MYO16: variants seen among roughly 807,000 people sequenced by gnomAD.
MYO16 encodes unconventional myosin-XVI.
In MYO16, 94 loss-of-function variants were observed where a neutral mutation model predicts 205.3. The observed-to-expected ratio is 0.46, with a 90% CI of 0.39 to 0.54. The LOEUF (loss-of-function observed/expected upper bound fraction) is 0.54. MYO16 is among the 20% of genes least tolerant of loss of function. The probability of loss-of-function intolerance (pLI) is 0.00; values close to 1 mark genes in which losing one functional copy is unlikely to be tolerated. For synonymous variants in MYO16, 988 were observed against 954.0 expected (o/e 1.04, Z -0.66); for missense variants, 2,315 against 2,387.5 (o/e 0.97, Z 0.63).
chr13:108,908,740 G>A (rs923179744), intron 15 of MYO16, among the ~76,000 whole-genome samples: 11 of 152,094 alleles, frequency 7.2e-5, no homozygotes, highest in East Asian at 1.9e-4. Context: ...TTGGGAGGCC[G>A]AGGTGGGCAG....
intron 23 of MYO16, among the ~76,000 whole-genome samples, chr13:109,023,747 G>A (rs1339418289): frequency 6.2e-5 from 4 of 64,352 alleles, no homozygotes; most frequent in African/African-American, 1.0e-4. Flanking sequence ...ACATATATAC[G>A]TATATGTATA....
Position 109,127,366 on chromosome 13 carries a change from C to T in MYO16, c.3867C>T (p.Leu1289=), listed in dbSNP as rs372764867. ...CCGTGGATGGCCTGGGCCAGTGCCT[C>T]GTTGGCCCGTCCATCTGGTCTCCTT... ...CAAVDGLGQC[L]VGPSIWSPSL... Residue 1289 remains leucine, a synonymous_variant, in exon 31 of 35, where the codon CTC becomes CTT. Transcript: ENST00000457511. This position sits in a 1 kb window ranked among gnomAD's most constrained non-coding sequence, Gnocchi z 4.2. 5.0e-6 allele frequency: 8 copies of T among 1,613,560 alleles called. No homozygotes were observed. Among genetic ancestry groups the T allele is most frequent in the East Asian group, 2.2e-5 (1 of 44,844 alleles).
chr13:108,931,512 C>T (rs1473575960), intron 16 of MYO16, among the ~76,000 whole-genome samples: 2 of 152,158 alleles, frequency 1.3e-5, no homozygotes, highest in Non-Finnish European at 1.5e-5. Context: ...CAGGTAGTCC[C>T]CGCACCCCAC....
rs554670760 is a variant in MYO16, at chr13:108,863,714, T to C, written c.1360-2463T>C. ...TGTGTGTTGTTCTTAAAATGGGAAG[T>C]GTTCCTTTTTCTGTTATCTTCTGAA... is the stretch of plus-strand genomic sequence containing the variant. On this transcript the variant is annotated intron_variant, in intron 11 of 34. Transcript: ENST00000457511. 2.0e-5 allele frequency among the ~76,000 whole-genome samples: 3 copies of C among 152,238 alleles called. No individual in the cohort carries two copies. The South Asian group carries it at 6.2e-4, about 32-fold the overall frequency.
chr13:108,513,272 G>A, the MYO16 span, among the ~76,000 whole-genome samples: 1 of 36,952 alleles, frequency 2.7e-5, no homozygotes, highest in Non-Finnish European at 4.2e-5. Context: ...AGAGGTGTTT[G>A]TAGTATTCTC....
the MYO16 span, among the ~76,000 whole-genome samples, chr13:108,528,930 C>T: frequency 2.6e-5 from 4 of 151,888 alleles, no homozygotes; most frequent in Non-Finnish European, 5.9e-5. Context: ...GTTTAACTTT[C>T]CCCAGGTTGG....
chr13:109,039,155 G>A (rs1442329597), intron 23 of MYO16, among the ~76,000 whole-genome samples: 1 of 152,228 alleles, frequency 6.6e-6, no homozygotes, highest in Non-Finnish European at 1.5e-5. Context: ...AGGCTGGGTA[G>A]GGACCTAGAC....
At chr13:109,196,699 G>T (rs1275407986) in intron 34 of MYO16, among the ~76,000 whole-genome samples, 1 of 152,066 alleles carries the variant, frequency 6.6e-6, no homozygotes, top group Non-Finnish European at 1.5e-5. Context: ...ATACTGCCTT[G>T]GCCACAAATG....
At chr13:108,587,703 A>G in the MYO16 span, among the ~76,000 whole-genome samples, 2 of 152,176 alleles carry the variant, frequency 1.3e-5, no homozygotes, top group Non-Finnish European at 2.9e-5. Context: ...AACATTATAC[A>G]TATATAACCA....
chr13:108,999,232 A>G (rs929073253), intron 21 of MYO16, among the ~76,000 whole-genome samples: 1 of 152,210 alleles, frequency 6.6e-6, no homozygotes, highest in African/African-American at 2.4e-5. Flanking sequence ...CACAAATATG[A>G]TAAAATATTA....
chr13:109,098,784 C>CTGGT (rs950492489), intron 27 of MYO16, among the ~76,000 whole-genome samples: 2 of 152,134 alleles, frequency 1.3e-5, no homozygotes, highest in African/African-American at 4.8e-5. Context: ...AACCACTGAG[C>CTGGT]TGGTCATCAC....
chr13:109,165,506 T>G (rs79574435), intron 33 of MYO16, among the ~76,000 whole-genome samples: 1,772 of 152,322 alleles, frequency 0.012, 36 homozygotes, highest in African/African-American at 0.04. Flanking sequence ...GTACAAAAGC[T>G]GAGGATCACG....
chr13:108,870,007 A>G (rs1164496911), intron 12 of MYO16, among the ~76,000 whole-genome samples: 1 of 151,402 alleles, frequency 6.6e-6, no homozygotes, highest in Non-Finnish European at 1.5e-5. Context: ...TTCTTATCTC[A>G]GGAGAAATCT....
At chr13:109,013,107 C>CT (rs1885665469) in intron 22 of MYO16, among the ~76,000 whole-genome samples, 2 of 16,172 alleles carry the variant, frequency 1.2e-4, no homozygotes, top group East Asian at 5.3e-3. Flanking sequence ...AATGCTACCC[C>CT]TCCCCCACCC....
chr13:108,496,349 C>T, the MYO16 span, among the ~76,000 whole-genome samples: 1 of 152,186 alleles, frequency 6.6e-6, no homozygotes, highest in Non-Finnish European at 1.5e-5. Flanking sequence ...CTCCCAGGCG[C>T]GATGGGGGCT....
At chr13:109,003,741 A>G (rs1390034355) in intron 21 of MYO16, among the ~76,000 whole-genome samples, 3 of 152,218 alleles carry the variant, frequency 2.0e-5, no homozygotes, top group South Asian at 2.1e-4. Context: ...CAATTACAGT[A>G]TCTGTTTTCT....
intron 9 of MYO16, among the ~76,000 whole-genome samples, chr13:108,823,695 C>A (rs111807412): frequency 7.1e-6 from 1 of 141,570 alleles, no homozygotes; most frequent in Non-Finnish European, 1.6e-5. Flanking sequence ...AAAATAACTT[C>A]CTGTTGCATT....
chr13:109,187,668 C>T (rs940495509), intron 34 of MYO16, among the ~76,000 whole-genome samples: 2 of 152,120 alleles, frequency 1.3e-5, no homozygotes, highest in Admixed American at 6.5e-5. Context: ...TTTCCAGGTA[C>T]CTTTCTGCTG....
intron 23 of MYO16, among the ~76,000 whole-genome samples, chr13:109,043,514 A>C (rs1457965472): frequency 6.6e-6 from 1 of 152,220 alleles, no homozygotes; most frequent in Non-Finnish European, 1.5e-5. Flanking sequence ...ACAGAGTCAG[A>C]GGTTCTGAAC....
Sources: gnomAD v4.1 joint callset for allele counts (sites outside exome capture counted in the v4.1 genomes callset) on GRCh38, gnomAD v4.1.1 for gene constraint, Gnocchi (gnomAD v3.1) non-coding constraint, MANE v1.5 for transcripts, NCBI Gene and HGNC (gene_info 2026-07-23, HGNC 2026-07-21) for gene names.